IQUB: variants seen among roughly 807,000 people sequenced by gnomAD.
The protein encoded by IQUB is IQ motif and ubiquitin domain containing.
IQUB carries 86 observed loss-of-function variants against 86.4 expected under a neutral mutation model. The observed-to-expected ratio is 1.00, with a 90% CI of 0.84 to 1.19. The LOEUF (loss-of-function observed/expected upper bound fraction) is 1.19, where lower values mean the gene tolerates loss of function less well. IQUB is among the 50% of genes most tolerant of loss of function. IQUB has a pLI of 0.00. For missense variants in IQUB, 946 were observed against 916.9 expected (o/e 1.03, Z -0.41); for synonymous variants, 289 against 304.5 (o/e 0.95, Z 0.53).
intron 11 of IQUB, chr7:123,457,977 GA>G (rs1401676288): frequency 2.4e-5 from 4 of 164,130 alleles, no homozygotes; most frequent in African/African-American, 9.7e-5. Flanking sequence ...AGGAAGCTGA[GA>G]TTTTTTTTTT....
At chr7:123,452,961 C>A in intron 12 of IQUB, 36 bp from the exon 13 acceptor site, 1 of 1,536,016 alleles carries the variant, frequency 6.5e-7, no homozygotes, top group Non-Finnish European at 8.9e-7. Flanking sequence ...GTAAATATCA[C>A]AGATATATTT....
In IQUB at chr7:123,529,379, C is replaced by T. The variant is rs191714870; in HGVS notation, c.-5+5113G>A. 4.2e-4 allele frequency among the ~76,000 whole-genome samples: 64 copies of T among 151,522 alleles called. No individual in the cohort carries two copies. In the East Asian group the frequency reaches 0.011, roughly 27 times the overall value. ...ATTTTTATGTAAAATACGATTCTGC[C>T]GCATTCTTTTCAACAACTTCACAGT... On this transcript the variant is annotated intron_variant, in intron 1 of 12. Transcript: ENST00000324698.
intron 1 of IQUB, among the ~76,000 whole-genome samples, chr7:123,524,184 T>A (rs1463220873): frequency 6.7e-6 from 1 of 148,500 alleles, no homozygotes; most frequent in Non-Finnish European, 1.5e-5. Context: ...CTTGGTGATG[T>A]GGGCTCTTTT....
chr7:123,499,926 G>T (rs1436434673), intron 6 of IQUB, among the ~76,000 whole-genome samples: 1 of 152,156 alleles, frequency 6.6e-6, no homozygotes, highest in Admixed American at 6.5e-5. Flanking sequence ...ACAGGTTGCA[G>T]TAAAGAAGCC....
At chr7:123,513,070 C>T (rs2117269770) in intron 1 of IQUB, among the ~76,000 whole-genome samples, 1 of 152,128 alleles carries the variant, frequency 6.6e-6, no homozygotes, top group East Asian at 1.9e-4. Flanking sequence ...GGAAGGTAGC[C>T]CCCAGACCAG....
At chr7:123,468,528 G>A (rs893462803) in intron 9 of IQUB, among the ~76,000 whole-genome samples, 1 of 123,164 alleles carries the variant, frequency 8.1e-6, no homozygotes, top group African/African-American at 3.2e-5. Flanking sequence ...CCCTTCTGGG[G>A]CAGCCCATCC....
intron 1 of IQUB, among the ~76,000 whole-genome samples, chr7:123,532,087 A>T (rs1011624778): frequency 6.6e-6 from 1 of 152,226 alleles, no homozygotes; most frequent in African/African-American, 2.4e-5. Context: ...CAGTTGATAA[A>T]AGTGTGGCAC....
At chr7:123,514,391 T>C (rs1796554764) in intron 1 of IQUB, among the ~76,000 whole-genome samples, 1 of 152,050 alleles carries the variant, frequency 6.6e-6, no homozygotes, top group Non-Finnish European at 1.5e-5. Context: ...CTAAAGAATA[T>C]ACTCAAAGGA....
chr7:123,479,963 C>A lies in IQUB; in HGVS notation c.1242G>T (p.Arg414=). 1 of 1,606,932 alleles carries A rather than the reference C, an allele frequency of 6.2e-7. No individual in the cohort carries two copies. The highest frequency in any genetic ancestry group is 8.5e-7 in the Non-Finnish European group (1 of 1,177,486). Residue 414 remains arginine (R), a synonymous_variant, in exon 8 of 13, where the codon CGG becomes CGT. Coordinates refer to ENST00000324698, the MANE Select transcript of IQUB (RefSeq NM_178827.5). Reference sequence around the variant, plus strand: ...GGTTAATACGTGTAAGTTCTTCTTGCCGCCAGACTAGAGGAATAACACAAT... The same window carrying A: ...GGTTAATACGTGTAAGTTCTTCTTGACGCCAGACTAGAGGAATAACACAAT... ...EFLYNALEFW[R]QEELTRINQS... is the part of the protein sequence containing the mutation.
At chr7:123,469,008 A>G (rs866363641) in intron 9 of IQUB, among the ~76,000 whole-genome samples, 3 of 152,336 alleles carry the variant, frequency 2.0e-5, no homozygotes, top group Middle Eastern at 6.8e-3. Flanking sequence ...TCATTGCATA[A>G]AGATATATTT....
chr7:123,465,931 C>T (rs1584555837), intron 9 of IQUB, among the ~76,000 whole-genome samples: 1 of 152,028 alleles, frequency 6.6e-6, no homozygotes, highest in East Asian at 1.9e-4. Flanking sequence ...CTCTCTCAGG[C>T]TCTCCAGGTG....
chr7:123,485,455 G>A (rs373878573), intron 7 of IQUB, among the ~76,000 whole-genome samples: 1 of 152,008 alleles, frequency 6.6e-6, no homozygotes, highest in Non-Finnish European at 1.5e-5. Flanking sequence ...ATATGGATTT[G>A]GGGGGAACAT....
chr7:123,463,656 C>A (rs118190478), intron 10 of IQUB, among the ~76,000 whole-genome samples: 2,741 of 151,804 alleles, frequency 0.018, 34 homozygotes, highest in Middle Eastern at 0.044. Context: ...TACAAAGTGG[C>A]AGCATGAGAG....
chr7:123,467,335 G>A (rs997782867), intron 9 of IQUB, among the ~76,000 whole-genome samples: 2 of 151,974 alleles, frequency 1.3e-5, no homozygotes, highest in African/African-American at 2.4e-5. Context: ...GACTCTCAGC[G>A]GCAGGTTGTG....
intron 6 of IQUB, chr7:123,500,960 C>A (rs923166897): frequency 6.6e-6 from 1 of 152,050 alleles, no homozygotes; most frequent in African/African-American, 2.4e-5. Context: ...ACTTAATATC[C>A]ATTTTGCCCT....
chr7:123,493,325 A>G (rs1303447631), intron 7 of IQUB, among the ~76,000 whole-genome samples: 2 of 152,116 alleles, frequency 1.3e-5, no homozygotes, highest in East Asian at 3.9e-4. Flanking sequence ...AACCTACCTT[A>G]CTAACCTCTT....
chr7:123,493,777 A>C (rs1417756364), intron 7 of IQUB, among the ~76,000 whole-genome samples: 1 of 101,768 alleles, frequency 9.8e-6, no homozygotes. Flanking sequence ...GTGTGTGTGC[A>C]TGTGTGTATA....
chr7:123,531,644 G>C (rs1797541615), intron 1 of IQUB, among the ~76,000 whole-genome samples: 2 of 152,186 alleles, frequency 1.3e-5, no homozygotes, highest in African/African-American at 4.8e-5. Flanking sequence ...CTGACCGTCA[G>C]GTACTGTATA....
At chr7:123,473,476 C>G (rs1794621499) in intron 8 of IQUB, among the ~76,000 whole-genome samples, 1 of 152,110 alleles carries the variant, frequency 6.6e-6, no homozygotes, top group Non-Finnish European at 1.5e-5. Context: ...TAAATAAACC[C>G]AAAGATATAT....
Sources: allele counts gnomAD v4.1 joint callset (sites outside exome capture counted in the v4.1 genomes callset), GRCh38; gene constraint gnomAD v4.1.1; transcripts MANE v1.5; gene names NCBI Gene and HGNC (gene_info 2026-07-23, HGNC 2026-07-21).